The following DCLK1 variants were observed in gnomAD, a reference collection of about 807,000 sequenced individuals.
The protein encoded by DCLK1 is doublecortin like kinase 1.
Under a neutral mutation model 86.2 loss-of-function variants are expected in DCLK1, and 16 were observed. That is an observed-to-expected ratio of 0.19 (90% CI 0.13 to 0.28). The LOEUF (loss-of-function observed/expected upper bound fraction) is 0.28. Among genes scored for constraint, DCLK1 ranks in the 10% least tolerant of loss-of-function variants. The pLI, the probability that DCLK1 is intolerant of heterozygous loss-of-function variation, is 1.00. For missense variants in DCLK1, 590 were observed against 940.2 expected, an observed-to-expected ratio of 0.63 and a Z score of 4.87; for synonymous variants, 369 against 370.5, an observed-to-expected ratio of 1.00 and a Z score of 0.05.
chr13:35,978,261 A>T (rs1490493277), intron 3 of DCLK1, among the ~76,000 whole-genome samples: 15 of 128,078 alleles, frequency 1.2e-4, no homozygotes, highest in African/African-American at 4.6e-4. Context: ...GCTGGAGTGC[A>T]GTAGTACGAT....
rs932516778 is a variant in DCLK1 at position 35,827,297 on chromosome 13, T to C, written c.1407+338A>G. ...TGATTTTCCATTACAACAACGACAA[T>C]TGTATTGGTACCTAATGCTTTGTGT... On this transcript the variant is annotated intron_variant, in intron 10 of 16. Coordinates refer to ENST00000360631, the MANE Select transcript of DCLK1 (RefSeq NM_001330071.2). 2.6e-5 allele frequency among the ~76,000 whole-genome samples: 4 copies of C among 152,308 alleles called. No individual in the cohort carries two copies. In the East Asian group the frequency reaches 5.8e-4, roughly 22 times the overall value.
At chr13:35,978,268 C>T (rs549369861) in intron 3 of DCLK1, among the ~76,000 whole-genome samples, 6 of 130,696 alleles carry the variant, frequency 4.6e-5, no homozygotes, top group Non-Finnish European at 7.7e-5. Context: ...TGCAGTAGTA[C>T]GATCTCGGCT....
At chr13:35,834,595 T>C (rs1869216186) in intron 8 of DCLK1, among the ~76,000 whole-genome samples, 1 of 152,230 alleles carries the variant, frequency 6.6e-6, no homozygotes, top group Non-Finnish European at 1.5e-5. Flanking sequence ...TAGTTTATGC[T>C]CAGCAAAATG....
At position 35,822,732 on chromosome 13, in the gene DCLK1, C is replaced by T. The variant is rs909801330; in HGVS notation, c.1551G>A (p.Leu517=). Residue 517 remains leucine, a synonymous_variant, in exon 11 of 17, where the codon CTG becomes CTA. Transcript: ENST00000360631. ...IVHRDIKPEN[L]LVYEHQDGSK... ...CTGTAGGTGGAATTCCTCTTACCAG[C>T]AGGTTCTCTGGCTTGATATCACGGT... 16 of 1,613,846 alleles carry T rather than the reference C, an allele frequency of 9.9e-6. No homozygotes were observed. In the African/African-American group the frequency reaches 1.2e-4, roughly 12 times the overall value.
At chr13:35,971,625 T>C (rs190434039) in intron 3 of DCLK1, among the ~76,000 whole-genome samples, 3 of 152,078 alleles carry the variant, frequency 2.0e-5, no homozygotes, top group African/African-American at 4.8e-5. Flanking sequence ...TAGCCAGGCA[T>C]GGTGATGGAT....
intron 3 of DCLK1, among the ~76,000 whole-genome samples, chr13:36,041,493 T>C (rs1449481367): frequency 6.6e-6 from 1 of 152,210 alleles, no homozygotes; most frequent in East Asian, 1.9e-4. Context: ...ACTTCCGATG[T>C]TACTTTGTTC....
intron 8 of DCLK1, among the ~76,000 whole-genome samples, chr13:35,833,081 A>G (rs972765249): frequency 1.3e-5 from 2 of 152,144 alleles, no homozygotes; most frequent in Non-Finnish European, 2.9e-5. Flanking sequence ...GCTTGTGTTC[A>G]TTGCTAGAGC....
chr13:35,903,098 C>T (rs1013428746), intron 4 of DCLK1, among the ~76,000 whole-genome samples: 1 of 152,136 alleles, frequency 6.6e-6, no homozygotes, highest in Non-Finnish European at 1.5e-5. Flanking sequence ...TTCTGTAAAA[C>T]TTCACACCCT....
At chr13:35,914,384 T>C (rs112621409) in intron 4 of DCLK1, among the ~76,000 whole-genome samples, 1 of 106,884 alleles carries the variant, frequency 9.4e-6, no homozygotes, top group African/African-American at 3.3e-5. Context: ...TATATATATA[T>C]ATATATAAGC....
At chr13:36,016,970 A>T (rs1881559341) in intron 3 of DCLK1, among the ~76,000 whole-genome samples, 1 of 152,124 alleles carries the variant, frequency 6.6e-6, no homozygotes, top group South Asian at 2.1e-4. Flanking sequence ...AGACAGAACA[A>T]CTCCAAACAA....
intron 4 of DCLK1, among the ~76,000 whole-genome samples, chr13:35,878,068 T>C (rs1049461586): frequency 6.6e-6 from 1 of 152,104 alleles, no homozygotes; most frequent in Non-Finnish European, 1.5e-5. Context: ...TCCAACTAAG[T>C]GGTGGTCCAG....
chr13:36,022,008 T>C (rs1386979559), intron 3 of DCLK1, among the ~76,000 whole-genome samples: 4 of 152,076 alleles, frequency 2.6e-5, no homozygotes, highest in South Asian at 4.1e-4. Context: ...AGCCATAAAA[T>C]GATAGACCAT....
intron 4 of DCLK1, among the ~76,000 whole-genome samples, chr13:35,922,729 C>T (rs1875872517): frequency 6.6e-6 from 1 of 152,164 alleles, no homozygotes; most frequent in African/African-American, 2.4e-5. Context: ...TGGTTGAAGA[C>T]TAAGCCACAC....
Position 35,876,419 on chromosome 13 carries a change from A to C in DCLK1, c.824-5079T>G, listed in dbSNP as rs117818652. Among the ~76,000 whole-genome samples, 694 of 152,360 alleles carry C rather than the reference A, an allele frequency of 4.6e-3. 4 individuals carry two copies. Among genetic ancestry groups the C allele is most frequent in the Middle Eastern group, 0.024 (7 of 294 alleles). On this transcript the variant is annotated intron_variant, in intron 4 of 16. Coordinates refer to ENST00000360631, the MANE Select transcript of DCLK1 (RefSeq NM_001330071.2). The stretch of plus-strand genomic sequence containing the variant: ...TGGGTCAACATAAATCCAGCTGAAG[A>C]ATATTGCAGTGCCAAGCCGTAAATT...
At chr13:35,990,494 ATACCT>A (rs1428131277) in intron 3 of DCLK1, among the ~76,000 whole-genome samples, 1 of 151,960 alleles carries the variant, frequency 6.6e-6, no homozygotes, top group African/African-American at 2.4e-5. Context: ...GGCTCCCAGG[ATACCT>A]CTCCACCCCA....
At chr13:35,927,362 G>A (rs1462108394) in intron 4 of DCLK1, among the ~76,000 whole-genome samples, 1 of 152,186 alleles carries the variant, frequency 6.6e-6, no homozygotes, top group Non-Finnish European at 1.5e-5. Flanking sequence ...ACATTTCTAT[G>A]ACCTTTATGC....
At chr13:35,959,734 A>G (rs571851177) in intron 3 of DCLK1, among the ~76,000 whole-genome samples, 1 of 152,224 alleles carries the variant, frequency 6.6e-6, no homozygotes, top group African/African-American at 2.4e-5. Context: ...CTATGATCTC[A>G]GGGGAGACTA....
At chr13:35,926,345 A>T (rs1359590298) in intron 4 of DCLK1, among the ~76,000 whole-genome samples, 2 of 152,244 alleles carry the variant, frequency 1.3e-5, no homozygotes, top group African/African-American at 4.8e-5. Context: ...GGCGTAAGCC[A>T]CCGTGCCCAG....
chr13:35,944,013 G>T (rs995641083), intron 4 of DCLK1, among the ~76,000 whole-genome samples: 1 of 152,060 alleles, frequency 6.6e-6, no homozygotes, highest in African/African-American at 2.4e-5. Flanking sequence ...CGCTAAAATG[G>T]TTACATTCTG....
Sources: allele counts gnomAD v4.1 joint callset (sites outside exome capture counted in the v4.1 genomes callset), GRCh38; gene constraint gnomAD v4.1.1; transcripts MANE v1.5; gene names NCBI Gene and HGNC (gene_info 2026-07-23, HGNC 2026-07-21).